The following PRRX1 variants were observed in gnomAD, a reference collection of about 807,000 sequenced individuals.
PRRX1 encodes the protein paired mesoderm homeobox protein 1.
In PRRX1, 8 loss-of-function variants were observed where a neutral mutation model predicts 24.0. That is an observed-to-expected ratio of 0.33 (90% CI 0.20 to 0.60). The LOEUF is 0.60. PRRX1 is among the 20% of genes least tolerant of loss of function. PRRX1 has a pLI of 0.82. For missense variants in PRRX1, 281 were observed against 322.4 expected, an observed-to-expected ratio of 0.87 and a Z score of 0.98; for synonymous variants, 160 against 131.7, an observed-to-expected ratio of 1.22 and a Z score of -1.47.
intron 1 of PRRX1, among the ~76,000 whole-genome samples, chr1:170,683,842 T>C (rs1653635766): frequency 1.3e-5 from 2 of 152,228 alleles, no homozygotes. Context: ...CTCTTCTTTT[T>C]AGTGTGTATG....
chr1:170,723,613 A>G (rs1035338592), intron 2 of PRRX1, among the ~76,000 whole-genome samples: 3 of 152,242 alleles, frequency 2.0e-5, no homozygotes, highest in Non-Finnish European at 4.4e-5. Context: ...TCAGAAACTC[A>G]GCCATTTATT....
intron 3 of PRRX1, chr1:170,730,350 T>G: frequency 6.2e-7 from 1 of 1,605,894 alleles, no homozygotes; most frequent in Non-Finnish European, 8.5e-7. Context: ...ACTGAAAAGG[T>G]AACTTGTCAG....
intron 1 of PRRX1, among the ~76,000 whole-genome samples, chr1:170,700,930 C>G (rs2101904316): frequency 6.6e-6 from 1 of 152,298 alleles, no homozygotes; most frequent in East Asian, 1.9e-4. Context: ...CACTTACCAG[C>G]ACTGCATTCC....
At chr1:170,663,073 C>T (rs1652779457), upstream of PRRX1, 1 of 151,130 alleles carries the variant, frequency 6.6e-6, no homozygotes, top group East Asian at 1.9e-4. Flanking sequence ...TTCCTCCCTC[C>T]CTCCCTCCCT....
chr1:170,686,596 T>C (rs1270696046), intron 1 of PRRX1, among the ~76,000 whole-genome samples: 1 of 152,156 alleles, frequency 6.6e-6, no homozygotes, highest in African/African-American at 2.4e-5. Context: ...CATGAATAGA[T>C]GACATTTCGC....
intron 1 of PRRX1, among the ~76,000 whole-genome samples, chr1:170,708,078 T>C (rs962054129): frequency 6.6e-5 from 10 of 152,220 alleles, no homozygotes; most frequent in African/African-American, 2.4e-4. Context: ...TCCTTCATCC[T>C]ACTTTCTTCC....
At chr1:170,720,079 G>T (rs769423984) in intron 2 of PRRX1, among the ~76,000 whole-genome samples, 178 bp downstream of exon 2, 4 of 152,112 alleles carry the variant, frequency 2.6e-5, no homozygotes, top group Non-Finnish European at 4.4e-5. Context: ...ACCAGCCTGG[G>T]CAACATAGTG....
intron 2 of PRRX1, among the ~76,000 whole-genome samples, chr1:170,725,748 T>C (rs577190156): frequency 6.6e-6 from 1 of 152,348 alleles, no homozygotes; most frequent in South Asian, 2.1e-4. Context: ...TAAATCTTTG[T>C]TGGAACATCT....
In PRRX1 at chr1:170,726,359, G is replaced by C; in HGVS notation, c.557G>C (p.Arg186Thr). 1.2e-6 allele frequency: 2 copies of C among 1,614,080 alleles called. No homozygotes were observed. The highest frequency in any genetic ancestry group is 1.7e-6 in the Non-Finnish European group (2 of 1,180,012). Residue 186 changes from arginine to threonine, a missense_variant, in exon 3 of 4, where the codon AGA becomes ACA. Physicochemically the swap from Arg to Thr is moderately conservative, Grantham distance 71. Transcript: ENST00000239461. ...CCCATCGTACCTCGTCCTGCTCCGA[G>C]ACCCACCGATTATCTCTCCTGGGGG... is the stretch of plus-strand genomic sequence containing the variant. ...EQPIVPRPAP[R>T]PTDYLSWGTA...
intron 1 of PRRX1, among the ~76,000 whole-genome samples, chr1:170,711,323 C>T (rs530754725): frequency 6.6e-6 from 1 of 152,238 alleles, no homozygotes; most frequent in East Asian, 1.9e-4. Flanking sequence ...TTGTGGCTTT[C>T]TCTGCTATAA....
chr1:170,736,660 C>T lies in PRRX1; in HGVS notation c.*474C>T, dbSNP rs1386527216. On this transcript the variant is annotated 3_prime_UTR_variant, in exon 4 of 4. Coordinates refer to ENST00000239461, the MANE Select transcript of PRRX1 (RefSeq NM_022716.4). ...CTTCCCAGTTCTCTTTATAGAAGCT[C>T]TAGGAGCTTTCGAAAAGCCAAAGTC... 2.0e-5 allele frequency: 4 copies of T among 196,752 alleles called. No individual in the cohort carries two copies. In the Admixed American group the frequency reaches 2.4e-4, roughly 12 times the overall value. The allele number at this position is 196,752 out of a possible 1,614,324, so 12.2% of individuals were successfully genotyped here. A position where few individuals can be genotyped will look rare whatever the true frequency, so the allele number is the denominator to read the frequency against.
At chr1:170,692,778 C>A (rs182864126) in intron 1 of PRRX1, among the ~76,000 whole-genome samples, 5 of 151,874 alleles carry the variant, frequency 3.3e-5, no homozygotes, top group East Asian at 1.9e-4. Flanking sequence ...CACGTGCACA[C>A]GCACATGCAT....
At chr1:170,728,692 T>G (rs1036853679) in intron 3 of PRRX1, 11 of 152,208 alleles carry the variant, frequency 7.2e-5, no homozygotes, top group African/African-American at 2.7e-4. Flanking sequence ...AAACAATAAT[T>G]TAATCAATAA....
intron 1 of PRRX1, among the ~76,000 whole-genome samples, chr1:170,674,447 A>G (rs1016435957): frequency 1.3e-5 from 2 of 152,064 alleles, no homozygotes; most frequent in African/African-American, 4.8e-5. Flanking sequence ...TGCTCCCATC[A>G]CACCTCCTTG....
rs1558040112 is a variant in PRRX1 at position 170,664,316 on chromosome 1, A to G, written c.98A>G (p.Asn33Ser). 6.2e-7 allele frequency: 1 copy of G among 1,613,738 alleles called. No homozygotes were observed. The highest frequency in any genetic ancestry group is 8.5e-7 in the Non-Finnish European group (1 of 1,179,948). Residue 33 changes from asparagine to serine, a missense_variant, in exon 1 of 4, where the codon AAC (asparagine) becomes AGC (serine). By Grantham distance (46) the Asn-to-Ser change is conservative. Transcript: ENST00000239461. ...GNLDTLQAKKNFSVSHLLDLE... is the reference protein window; with the variant it reads ...GNLDTLQAKKSFSVSHLLDLE... ...CTCGACACCCTGCAGGCGAAAAAGA[A>G]CTTCTCCGTCAGTCACCTGCTAGAC...
At chr1:170,734,296 C>A (rs968893969) in intron 3 of PRRX1, among the ~76,000 whole-genome samples, 1 of 149,412 alleles carries the variant, frequency 6.7e-6, no homozygotes, top group Middle Eastern at 3.5e-3. Flanking sequence ...GAGCAGGAAT[C>A]AATTTAATCA....
rs186835521 is a variant in PRRX1 at position 170,719,626 on chromosome 1, C to A, written c.242-100C>A. 49 of 1,318,962 alleles carry A rather than the reference C, an allele frequency of 3.7e-5. No homozygotes were observed. In the African/African-American group the frequency reaches 5.4e-4, roughly 15 times the overall value. 81.7% of individuals were successfully genotyped at this position (1,318,962 alleles called of 1,614,324 possible). On this transcript the variant is annotated intron_variant, in intron 1 of 3. Transcript: ENST00000239461. Reference sequence around the variant, plus strand: ...TATAGGACTTTGATAAAGATGTGAGCAAATGAAGCAAGATCTCACTATAGA... The same window carrying A: ...TATAGGACTTTGATAAAGATGTGAGAAAATGAAGCAAGATCTCACTATAGA...
Position 170,692,733 on chromosome 1 carries a change from TCTCTCTCTCA to T in PRRX1, c.242-26991_242-26982del, listed in dbSNP as rs1258412511. On this transcript the variant is annotated intron_variant, in intron 1 of 3. Coordinates refer to ENST00000239461, the MANE Select transcript of PRRX1 (RefSeq NM_022716.4). Reference sequence around the variant, plus strand: ...CAAATCCTCTCTCTCTCTCTCTCTCTCTCTCTCTCACACACACACACACACACACAGACAC... The same window carrying T: ...CAAATCCTCTCTCTCTCTCTCTCTCTCACACACACACACACACACAGACAC... Among the ~76,000 whole-genome samples, 241 of 141,264 alleles carry T rather than the reference TCTCTCTCTCA, an allele frequency of 1.7e-3. 2 individuals are homozygous for T. The highest frequency in any genetic ancestry group is 2.5e-3 in the Non-Finnish European group (158 of 64,260). 92.7% of individuals were successfully genotyped at this position (141,264 alleles called of 152,430 possible). A position where few individuals can be genotyped will look rare whatever the true frequency, so the allele number is the denominator to read the frequency against.
intron 1 of PRRX1, among the ~76,000 whole-genome samples, chr1:170,700,460 A>G (rs1202533610): frequency 6.6e-6 from 1 of 152,168 alleles, no homozygotes; most frequent in Admixed American, 6.5e-5. Context: ...AGTAATTTAG[A>G]TACACGTGTG....
Sources: gnomAD v4.1 joint callset for allele counts (sites outside exome capture counted in the v4.1 genomes callset) on GRCh38, gnomAD v4.1.1 for gene constraint, MANE v1.5 for transcripts, NCBI Gene and HGNC (gene_info 2026-07-23, HGNC 2026-07-21) for gene names.